The following GRM1 variants were observed in gnomAD, a reference collection of about 807,000 sequenced individuals.
GRM1 encodes the protein metabotropic glutamate receptor 1.
A neutral mutation model predicts 90.9 loss-of-function variants in GRM1; 33 were observed. The ratio of observed to expected loss-of-function variants is 0.36; its 90% CI spans 0.28 to 0.49. GRM1 has a LOEUF of 0.49. Ranked by LOEUF, GRM1 falls within the 20% of genes least tolerant of loss-of-function variation. The probability of loss-of-function intolerance (pLI) is 0.99; values close to 1 mark genes in which losing one functional copy is unlikely to be tolerated. For missense variants in GRM1, 1,190 were observed against 1,534.3 expected (o/e 0.78, Z 3.75); for synonymous variants, 700 against 613.2 (o/e 1.14, Z -2.09).
intron 1 of GRM1, among the ~76,000 whole-genome samples, chr6:146,116,314 A>T (rs1357316289): frequency 2.6e-5 from 4 of 152,180 alleles, no homozygotes; most frequent in African/African-American, 9.7e-5. Flanking sequence ...GTAAAGTTTA[A>T]AACTAAGGAA....
intron 2 of GRM1, among the ~76,000 whole-genome samples, chr6:146,230,006 A>C (rs1201861734): frequency 6.6e-6 from 1 of 152,282 alleles, no homozygotes; most frequent in African/African-American, 2.4e-5. Context: ...ACAAGGCAAC[A>C]TGTCAGTTGC....
chr6:146,120,497 G>A (rs200392847), intron 1 of GRM1, among the ~76,000 whole-genome samples: 9 of 152,072 alleles, frequency 5.9e-5, no homozygotes, highest in Non-Finnish European at 1.0e-4. Flanking sequence ...GGTGAGAGAG[G>A]GCATCCCTGT....
chr6:146,351,046 G>A (rs911864929), intron 3 of GRM1, among the ~76,000 whole-genome samples: 3 of 152,026 alleles, frequency 2.0e-5, no homozygotes, highest in Admixed American at 6.5e-5. Context: ...TCCCAAGTTC[G>A]ATATCAAAGT....
At chr6:146,256,452 C>T (rs1026628407) in intron 2 of GRM1, among the ~76,000 whole-genome samples, 1 of 152,018 alleles carries the variant, frequency 6.6e-6, no homozygotes, top group Non-Finnish European at 1.5e-5. Context: ...GGAAAGAGTC[C>T]TCCTATGTAG....
At chr6:146,030,351 C>T in intron 1 of GRM1, 134 bp downstream of exon 1, 1 of 729,526 alleles carries the variant, frequency 1.4e-6, no homozygotes. Context: ...CAGTACTGCC[C>T]ACCCAGGCAT....
At chr6:146,359,428 T>G (rs182194307) in intron 5 of GRM1, among the ~76,000 whole-genome samples, 2 of 152,348 alleles carry the variant, frequency 1.3e-5, no homozygotes, top group Non-Finnish European at 1.5e-5. Context: ...TGGCTCAGGC[T>G]GCCTCTCCAG....
chr6:146,324,807 A>G (rs1485192157), intron 3 of GRM1, among the ~76,000 whole-genome samples: 1 of 152,236 alleles, frequency 6.6e-6, no homozygotes, highest in African/African-American at 2.4e-5. Context: ...TTGGAAATGC[A>G]GAAACCACCT....
chr6:146,412,327 G>A (rs1281280653), intron 7 of GRM1, among the ~76,000 whole-genome samples: 1 of 152,140 alleles, frequency 6.6e-6, no homozygotes, highest in Non-Finnish European at 1.5e-5. Context: ...GGTGAGTAGT[G>A]GGAAAGACAA....
chr6:146,278,484 T>C (rs1347660027), intron 2 of GRM1, among the ~76,000 whole-genome samples: 2 of 152,176 alleles, frequency 1.3e-5, no homozygotes, highest in Non-Finnish European at 2.9e-5. Context: ...ACATCAATTT[T>C]GCTTCTTCCA....
chr6:146,179,549 T>G (rs548678589), intron 2 of GRM1, among the ~76,000 whole-genome samples: 47 of 152,356 alleles, frequency 3.1e-4, no homozygotes, highest in African/African-American at 1.1e-3. Flanking sequence ...AGTTTCGCTT[T>G]GTCGCCCAGG....
intron 1 of GRM1, among the ~76,000 whole-genome samples, chr6:146,040,905 C>A (rs915781688): frequency 1.3e-4 from 19 of 151,952 alleles, no homozygotes; most frequent in African/African-American, 4.6e-4. Flanking sequence ...AGGCTATTTT[C>A]TGGATTTCAG....
chr6:146,273,960 G>T (rs774334894), intron 2 of GRM1, among the ~76,000 whole-genome samples: 2 of 152,170 alleles, frequency 1.3e-5, no homozygotes, highest in Non-Finnish European at 2.9e-5. Flanking sequence ...TTGTTAAAAT[G>T]TTCTGCAATA....
rs1778215429 is a variant in GRM1 at position 146,426,489 on chromosome 6, G to A, written c.2661-7383G>A. 4.2e-6 allele frequency: 6 copies of A among 1,427,028 alleles called. No homozygotes were observed. In the East Asian group the frequency reaches 1.5e-4, roughly 35 times the overall value. The allele number at this position is 1,427,028 out of a possible 1,614,324, so 88.4% of individuals were successfully genotyped here. ...CAGGGCCAGGCACTGCCTGAGTGGT[G>A]GACTTGCCATATCTGTACACATGTA... On this transcript the variant is annotated intron_variant, in intron 7 of 7. Coordinates refer to ENST00000282753, the MANE Select transcript of GRM1 (RefSeq NM_001278064.2).
chr6:146,289,740 A>G (rs964071101), intron 2 of GRM1, among the ~76,000 whole-genome samples: 2 of 152,190 alleles, frequency 1.3e-5, no homozygotes, highest in African/African-American at 2.4e-5. Flanking sequence ...CTATGTTTAG[A>G]TGTCCTAGCG....
At chr6:146,423,817 G>T (rs1184324854) in intron 7 of GRM1, among the ~76,000 whole-genome samples, 1 of 152,180 alleles carries the variant, frequency 6.6e-6, no homozygotes, top group Non-Finnish European at 1.5e-5. Context: ...ATTGTTTGCA[G>T]GGCCCAGTGC....
At chr6:146,102,643 A>C (rs1045240897) in intron 1 of GRM1, among the ~76,000 whole-genome samples, 1 of 152,176 alleles carries the variant, frequency 6.6e-6, no homozygotes, top group Non-Finnish European at 1.5e-5. Flanking sequence ...TATGTTGATG[A>C]TTTGATGAAC....
chr6:146,345,348 TAG>T (rs1479334603), intron 3 of GRM1, among the ~76,000 whole-genome samples: 1 of 152,246 alleles, frequency 6.6e-6, no homozygotes, highest in East Asian at 1.9e-4. Context: ...TGCATTCATT[TAG>T]AGTCAGTCAT....
intron 5 of GRM1, among the ~76,000 whole-genome samples, chr6:146,377,151 G>A (rs1387285503): frequency 6.6e-6 from 1 of 152,032 alleles, no homozygotes; most frequent in Non-Finnish European, 1.5e-5. Context: ...TTAGCAGCAT[G>A]AGAGCAGACG....
chr6:146,046,583 A>G (rs1022437258), intron 1 of GRM1, among the ~76,000 whole-genome samples: 2 of 152,008 alleles, frequency 1.3e-5, no homozygotes, highest in Non-Finnish European at 2.9e-5. Flanking sequence ...TATTTATATC[A>G]GTAAGCCAGC....
Sources: gnomAD v4.1 joint callset for allele counts (sites outside exome capture counted in the v4.1 genomes callset) on GRCh38, gnomAD v4.1.1 for gene constraint, MANE v1.5 for transcripts, NCBI Gene and HGNC (gene_info 2026-07-23, HGNC 2026-07-21) for gene names.